Variants in PARP8 observed in about 807,000 individuals in gnomAD.
PARP8 encodes the protein poly(ADP-ribose) polymerase family member 8, also known as protein mono-ADP-ribosyltransferase PARP8.
Under a neutral mutation model 124.1 loss-of-function variants are expected in PARP8, and 51 were observed. The ratio of observed to expected loss-of-function variants is 0.41; its 90% CI spans 0.33 to 0.52. PARP8 has a LOEUF of 0.52. PARP8 is among the 20% of genes least tolerant of loss of function. The pLI, the probability that PARP8 is intolerant of heterozygous loss-of-function variation, is 0.21. For synonymous variants in PARP8, 391 were observed against 361.5 expected, an observed-to-expected ratio of 1.08 and a Z score of -0.93; for missense variants, 860 against 1,018.9, an observed-to-expected ratio of 0.84 and a Z score of 2.12.
At chr5:50,819,739 C>G (rs989349028) in intron 15 of PARP8, among the ~76,000 whole-genome samples, 1 of 152,072 alleles carries the variant, frequency 6.6e-6, no homozygotes, top group Non-Finnish European at 1.5e-5. Flanking sequence ...GCCACTGCGC[C>G]CAACAAGGCT....
intron 2 of PARP8, among the ~76,000 whole-genome samples, chr5:50,699,526 T>A (rs73099002): frequency 2.0e-5 from 3 of 152,268 alleles, no homozygotes; most frequent in African/African-American, 7.2e-5. Context: ...GGGAAACAGG[T>A]TTACTCAGCC....
intron 3 of PARP8, among the ~76,000 whole-genome samples, chr5:50,750,918 A>AG (rs1319972988): frequency 3.8e-5 from 4 of 105,136 alleles, no homozygotes; most frequent in Non-Finnish European, 1.0e-4. Context: ...AGTATTTATA[A>AG]GAAAAATACT....
chr5:50,690,157 C>T (rs1038454511), intron 2 of PARP8, among the ~76,000 whole-genome samples: 4 of 152,182 alleles, frequency 2.6e-5, no homozygotes, highest in Admixed American at 1.3e-4. Context: ...CATCCTTCTT[C>T]CTGCAGCCTC....
chr5:50,739,216 G>A, intron 2 of PARP8: 1 of 593,772 alleles, frequency 1.7e-6, no homozygotes, highest in Non-Finnish European at 3.1e-6. Flanking sequence ...TTATCCTGAT[G>A]GCTTATCCAG....
chr5:50,692,067 C>T (rs1253015353), intron 2 of PARP8, among the ~76,000 whole-genome samples: 1 of 152,144 alleles, frequency 6.6e-6, no homozygotes, highest in Non-Finnish European at 1.5e-5. Flanking sequence ...ATTAGTCTCT[C>T]TTTATCCAGT....
chr5:50,797,900 A>G (rs1164155632), intron 14 of PARP8, among the ~76,000 whole-genome samples: 1 of 152,188 alleles, frequency 6.6e-6, no homozygotes, highest in Non-Finnish European at 1.5e-5. Flanking sequence ...CATTACAGCT[A>G]TTTAATTCCA....
At chr5:50,742,222 C>T (rs1389997356) in intron 2 of PARP8, among the ~76,000 whole-genome samples, 2 of 152,186 alleles carry the variant, frequency 1.3e-5, no homozygotes, top group Admixed American at 1.3e-4. Flanking sequence ...CTATTTTTGG[C>T]AGTTTGGCTT....
chr5:50,794,931 G>T lies in PARP8; in HGVS notation c.942G>T (p.Thr314=), dbSNP rs373600675. ...LKSEQDGISK[T]HKLLRRTCSS... is the part of the protein sequence containing the mutation. ...CTGAGCAGGACGGAATCTCCAAAAC[G>T]CATAAGCTGCTGCGGAGGACTTGTT... The change falls in exon 12 of 26, where the codon ACG becomes ACT. Residue 314 remains threonine (T), a synonymous_variant. Coordinates refer to ENST00000281631, the MANE Select transcript of PARP8 (RefSeq NM_024615.4). The T allele has an allele frequency of 2.4e-5, 38 of 1,614,034 alleles. No homozygotes were observed. Among genetic ancestry groups the T allele is most frequent in the Non-Finnish European group, 3.1e-5 (36 of 1,180,014 alleles).
At chr5:50,801,812 A>G (rs1349503719) in intron 14 of PARP8, among the ~76,000 whole-genome samples, 1 of 152,070 alleles carries the variant, frequency 6.6e-6, no homozygotes, top group African/African-American at 2.4e-5. Context: ...CTGGATACGT[A>G]TATGTTTATA....
At chr5:50,681,907 C>T (rs1751334812) in intron 2 of PARP8, among the ~76,000 whole-genome samples, 1 of 152,044 alleles carries the variant, frequency 6.6e-6, no homozygotes, top group African/African-American at 2.4e-5. Flanking sequence ...AATAATCAAG[C>T]TTGTTAGAAT....
intron 2 of PARP8, among the ~76,000 whole-genome samples, chr5:50,713,445 T>G (rs1754983008): frequency 6.6e-6 from 1 of 152,070 alleles, no homozygotes; most frequent in Non-Finnish European, 1.5e-5. Context: ...TTTGCCTTGT[T>G]GCCCAGGCTG....
chr5:50,830,816 A>C (rs1320083369), intron 22 of PARP8, among the ~76,000 whole-genome samples: 2 of 117,568 alleles, frequency 1.7e-5, no homozygotes, highest in African/African-American at 8.2e-5. Context: ...TTGTGTGCTC[A>C]TGCGTGTGTG....
intron 7 of PARP8, among the ~76,000 whole-genome samples, chr5:50,764,892 G>A (rs1760903973): frequency 6.7e-6 from 1 of 150,222 alleles, no homozygotes; most frequent in Non-Finnish European, 1.5e-5. Flanking sequence ...TCTACATCTC[G>A]ATATACACCA....
intron 7 of PARP8, among the ~76,000 whole-genome samples, chr5:50,771,041 T>G (rs945452773): frequency 2.0e-5 from 3 of 151,816 alleles, no homozygotes; most frequent in Non-Finnish European, 4.4e-5. Flanking sequence ...ATGTAACCTA[T>G]AAAAATATTA....
At chr5:50,705,428 G>A (rs1754033332) in intron 2 of PARP8, among the ~76,000 whole-genome samples, 1 of 151,986 alleles carries the variant, frequency 6.6e-6, no homozygotes, top group African/African-American at 2.4e-5. Context: ...ATGTGAAGGT[G>A]GTAAAATAAG....
chr5:50,715,245 G>T (rs1433566616), intron 2 of PARP8, among the ~76,000 whole-genome samples: 2 of 152,002 alleles, frequency 1.3e-5, no homozygotes. Context: ...CACAGTTATC[G>T]CTCTTTAGTA....
chr5:50,760,561 A>G (rs1006030064), intron 5 of PARP8, among the ~76,000 whole-genome samples, 199 bp downstream of exon 5: 31 of 152,198 alleles, frequency 2.0e-4, no homozygotes, highest in African/African-American at 6.7e-4. Flanking sequence ...CCTTAAAATC[A>G]TAGAAAGAAA....
In PARP8 at chr5:50,821,203, A is replaced by G. The variant is rs1362859795; in HGVS notation, c.1669-10A>G. The G allele has an allele frequency of 3.1e-6, 5 of 1,613,916 alleles. No homozygotes were observed. The highest frequency in any genetic ancestry group is 1.7e-5 in the Admixed American group (1 of 60,020). ...GAAGGGTAGTAACTATCTTATGTGTATATTTCAAGGTGGTAGATCTACTAG... is the reference window on the plus strand; with the variant it reads ...GAAGGGTAGTAACTATCTTATGTGTGTATTTCAAGGTGGTAGATCTACTAG... On this transcript the variant is annotated splice_polypyrimidine_tract_variant and intron_variant, in intron 15 of 25. Transcript: ENST00000281631.
chr5:50,754,413 T>G (rs930498335), intron 3 of PARP8, among the ~76,000 whole-genome samples: 40 of 151,570 alleles, frequency 2.6e-4, no homozygotes, highest in African/African-American at 8.7e-4. Context: ...AATTCCCACC[T>G]ATGAGTGAGA....
Sources: gnomAD v4.1 joint callset for allele counts (sites outside exome capture counted in the v4.1 genomes callset) on GRCh38, gnomAD v4.1.1 for gene constraint, MANE v1.5 for transcripts, NCBI Gene and HGNC (gene_info 2026-07-23, HGNC 2026-07-21) for gene names.